Variants in MRPS9 observed in about 807,000 individuals in gnomAD.
The protein encoded by MRPS9 is small ribosomal subunit protein uS9m.
MRPS9 carries 45 observed loss-of-function variants against 59.9 expected under a neutral mutation model. That is an observed-to-expected ratio of 0.75 (90% CI 0.59 to 0.96). The LOEUF (loss-of-function observed/expected upper bound fraction) is 0.96, where lower values mean the gene tolerates loss of function less well. Among genes scored for constraint, MRPS9 ranks in the 40% least tolerant of loss-of-function variants. MRPS9 has a pLI of 0.00. For missense variants in MRPS9, 473 were observed against 481.1 expected (o/e 0.98, Z 0.16); for synonymous variants, 171 against 166.8 (o/e 1.03, Z -0.19).
intron 1 of MRPS9, among the ~76,000 whole-genome samples, chr2:105,043,017 G>C (rs1679527789): frequency 6.7e-6 from 1 of 150,080 alleles, no homozygotes; most frequent in Non-Finnish European, 1.5e-5. Context: ...TTTACTTATA[G>C]GTACTTGAAT....
chr2:105,096,883 A>T (rs747273514), intron 9 of MRPS9, among the ~76,000 whole-genome samples: 43 of 152,214 alleles, frequency 2.8e-4, no homozygotes, highest in Non-Finnish European at 5.7e-4. Context: ...AGCTTTGAAA[A>T]GATCTTCTGA....
chr2:105,092,359 C>A, intron 7 of MRPS9, 42 bp from the exon 8 acceptor site: 2 of 1,504,608 alleles, frequency 1.3e-6, no homozygotes, highest in East Asian at 4.7e-5. Flanking sequence ...TTAGCAAATG[C>A]AATTACACTT....
At chr2:105,064,043 A>T (rs1198620253) in intron 2 of MRPS9, among the ~76,000 whole-genome samples, 1 of 152,234 alleles carries the variant, frequency 6.6e-6, no homozygotes, top group Admixed American at 6.5e-5. Context: ...ATAAAGGGAA[A>T]AATCCCTAAA....
At chr2:105,084,980 T>C (rs1266773747) in intron 5 of MRPS9, among the ~76,000 whole-genome samples, 1 of 152,204 alleles carries the variant, frequency 6.6e-6, no homozygotes, top group African/African-American at 2.4e-5. Flanking sequence ...TAATATATGA[T>C]GGGCCTTTAA....
At chr2:105,071,567 C>A (rs762962274) in intron 4 of MRPS9, 78 bp downstream of exon 4, 188 of 1,416,260 alleles carry the variant, frequency 1.3e-4, no homozygotes, top group Non-Finnish European at 1.7e-4. Context: ...AGCGGTTGCT[C>A]ACATATCGTA....
chr2:105,061,109 CAAAAAAAA>C lies in MRPS9; in HGVS notation c.316-10184_316-10177del, dbSNP rs751155585. On this transcript the variant is annotated intron_variant, in intron 2 of 10. Transcript: ENST00000258455. ...TGGGCGACAGAGCAGGACTCTGTCT[CAAAAAAAA>C]AAAAAAAAAAAAAAAAAAAGTTAAA... Among the ~76,000 whole-genome samples, 23 of 47,990 alleles carry C rather than the reference CAAAAAAAA, an allele frequency of 4.8e-4. No individual in the cohort carries two copies. The South Asian group carries it at 7.5e-3, about 16-fold the overall frequency. 31.5% of individuals were successfully genotyped at this position (47,990 alleles called of 152,430 possible). A position where few individuals can be genotyped will look rare whatever the true frequency, so the allele number is the denominator to read the frequency against.
chr2:105,059,367 C>T (rs992155412), intron 2 of MRPS9, among the ~76,000 whole-genome samples: 3 of 152,016 alleles, frequency 2.0e-5, no homozygotes, highest in African/African-American at 7.2e-5. Flanking sequence ...GCTGTATGGA[C>T]GTGGATGGTG....
intron 4 of MRPS9, among the ~76,000 whole-genome samples, chr2:105,078,477 A>G (rs1261935267): frequency 6.6e-6 from 1 of 152,156 alleles, no homozygotes; most frequent in Non-Finnish European, 1.5e-5. Flanking sequence ...GACTAACCAT[A>G]CAGTGAAAAT....
Position 105,080,098 on chromosome 2 carries a change from T to C in MRPS9, c.489+36T>C, listed in dbSNP as rs778605017. The C allele has an allele frequency of 2.8e-6, 4 of 1,436,004 alleles. No individual in the cohort carries two copies. In the South Asian group the frequency reaches 3.7e-5, roughly 13 times the overall value. The allele number at this position is 1,436,004 out of a possible 1,614,324, so 89.0% of individuals were successfully genotyped here. On this transcript the variant is annotated intron_variant, in intron 5 of 10. Transcript: ENST00000258455. ...TGCATTTATGATAAATAATATGAGC[T>C]GTAAGCTACAAAACTAATTATACTG... is the stretch of plus-strand genomic sequence containing the variant.
At chr2:105,097,616 C>T (rs948663430) in intron 10 of MRPS9, among the ~76,000 whole-genome samples, 15 of 152,174 alleles carry the variant, frequency 9.9e-5, no homozygotes, top group Non-Finnish European at 1.3e-4. Context: ...TAATGCATAA[C>T]CTTTTATCCA....
At chr2:105,085,254 A>G (rs866675432) in intron 5 of MRPS9, among the ~76,000 whole-genome samples, 4 of 152,196 alleles carry the variant, frequency 2.6e-5, no homozygotes, top group Non-Finnish European at 5.9e-5. Flanking sequence ...TAAGTGGATT[A>G]CATTTTTATT....
At chr2:105,091,271 T>C (rs1680552452) in intron 7 of MRPS9, 1 of 470,942 alleles carries the variant, frequency 2.1e-6, no homozygotes, top group Non-Finnish European at 4.4e-6. Flanking sequence ...AGTGACTTCT[T>C]GACCTAGTTC....
At chr2:105,055,582 A>AGTGG (rs1679777138) in intron 2 of MRPS9, among the ~76,000 whole-genome samples, 3 of 150,500 alleles carry the variant, frequency 2.0e-5, no homozygotes, top group Admixed American at 6.6e-5. Context: ...TATTAAATAT[A>AGTGG]GCGGACCCCT....
At chr2:105,066,939 T>C (rs1393221767) in intron 2 of MRPS9, among the ~76,000 whole-genome samples, 1 of 152,190 alleles carries the variant, frequency 6.6e-6, no homozygotes, top group Middle Eastern at 3.2e-3. Flanking sequence ...TTTTCAAATT[T>C]CCAGAAAAGT....
At chr2:105,046,994 A>G (rs1679606202) in intron 1 of MRPS9, among the ~76,000 whole-genome samples, 2 of 151,966 alleles carry the variant, frequency 1.3e-5, no homozygotes, top group Admixed American at 6.6e-5. Context: ...TAAAGAACAA[A>G]TTTTAAAATC....
intron 1 of MRPS9, among the ~76,000 whole-genome samples, chr2:105,039,229 TA>T (rs11326307): frequency 0.48 from 70,548 of 147,556 alleles, 16,844 homozygotes; most frequent in East Asian, 0.67. Context: ...AAACTATATT[TA>T]AAAAAAAAAA....
intron 1 of MRPS9, 132 bp from the exon 2 acceptor site, chr2:105,049,039 T>G: frequency 1.6e-6 from 1 of 623,612 alleles, no homozygotes; most frequent in Non-Finnish European, 2.7e-6. Flanking sequence ...ACTTGCTTTT[T>G]GGACTCCTGT....
intron 6 of MRPS9, among the ~76,000 whole-genome samples, chr2:105,089,288 A>T (rs1680510239): frequency 6.6e-6 from 1 of 152,318 alleles, no homozygotes; most frequent in Admixed American, 6.5e-5. Flanking sequence ...TATGTGATAG[A>T]ATATTTAATT....
rs567693450 is a variant in MRPS9 at position 105,098,601 on chromosome 2, C to G, written c.1100-1069C>G. On this transcript the variant is annotated intron_variant, in intron 10 of 10. Transcript: ENST00000258455. Reference sequence around the variant, plus strand: ...GAAAGTAATAAAGCATTCTTACTTACAGTTGAAGCTAGAACTTAGGTCTTT... The same window carrying G: ...GAAAGTAATAAAGCATTCTTACTTAGAGTTGAAGCTAGAACTTAGGTCTTT... 8 of 152,286 alleles carry G rather than the reference C, an allele frequency of 5.3e-5. No homozygotes were observed. The South Asian group carries it at 1.7e-3, about 32-fold the overall frequency. The allele number at this position is 152,286 out of a possible 1,614,324, so 9.4% of individuals were successfully genotyped here.
Sources: gnomAD v4.1 joint callset for allele counts (sites outside exome capture counted in the v4.1 genomes callset) on GRCh38, gnomAD v4.1.1 for gene constraint, MANE v1.5 for transcripts, NCBI Gene and HGNC (gene_info 2026-07-23, HGNC 2026-07-21) for gene names.